The following MREG variants were observed in gnomAD, a reference collection of about 807,000 sequenced individuals.
MREG encodes dilute suppressor protein homolog.
Under a neutral mutation model 28.5 loss-of-function variants are expected in MREG, and 31 were observed. The ratio of observed to expected loss-of-function variants is 1.09; its 90% CI spans 0.82 to 1.47. The LOEUF (loss-of-function observed/expected upper bound fraction) is 1.47, where lower values mean the gene tolerates loss of function less well. MREG is among the 40% of genes most tolerant of loss of function. MREG has a pLI of 0.00. For missense variants in MREG, 256 were observed against 257.4 expected (o/e 0.99, Z 0.04); for synonymous variants, 106 against 95.2 (o/e 1.11, Z -0.66).
At chr2:216,005,444 CTTTTTTTTT>C (rs58288878) in intron 1 of MREG, among the ~76,000 whole-genome samples, 4 of 86,306 alleles carry the variant, frequency 4.6e-5, no homozygotes, top group Non-Finnish European at 9.7e-5. Context: ...TCTAGTTATT[CTTTTTTTTT>C]TTTTTTTTTT....
At chr2:215,973,877 A>C (rs1693172212) in intron 2 of MREG, among the ~76,000 whole-genome samples, 1 of 152,202 alleles carries the variant, frequency 6.6e-6, no homozygotes, top group Admixed American at 6.5e-5. Context: ...ATGCAACTCC[A>C]CAGCCAGGTC....
At chr2:216,010,539 A>G (rs1191486140) in intron 1 of MREG, among the ~76,000 whole-genome samples, 2 of 150,422 alleles carry the variant, frequency 1.3e-5, no homozygotes, top group African/African-American at 2.4e-5. Flanking sequence ...TTGTATTTTT[A>G]GTAGAGACGG....
At chr2:216,012,266 T>G (rs1331430836) in intron 1 of MREG, among the ~76,000 whole-genome samples, 1 of 152,202 alleles carries the variant, frequency 6.6e-6, no homozygotes, top group Non-Finnish European at 1.5e-5. Flanking sequence ...GAGTGTACAC[T>G]GTTTAATGTA....
intron 2 of MREG, among the ~76,000 whole-genome samples, chr2:215,977,986 C>G (rs1693305520): frequency 6.6e-6 from 1 of 151,992 alleles, no homozygotes; most frequent in Non-Finnish European, 1.5e-5. Context: ...GAAACAAGAG[C>G]AAACAAATTC....
chr2:216,012,243 C>T (rs922388059), intron 1 of MREG, among the ~76,000 whole-genome samples: 2 of 152,060 alleles, frequency 1.3e-5, no homozygotes, highest in African/African-American at 4.8e-5. Context: ...TGGATTATTC[C>T]CACGGCCGCA....
intron 2 of MREG, among the ~76,000 whole-genome samples, chr2:215,954,428 G>A (rs1692564820): frequency 8.5e-6 from 1 of 117,908 alleles, no homozygotes; most frequent in African/African-American, 3.2e-5. Flanking sequence ...GATCCTTATT[G>A]TATTTGATCT....
At chr2:215,969,010 T>G (rs1320860197) in intron 2 of MREG, among the ~76,000 whole-genome samples, 1 of 152,148 alleles carries the variant, frequency 6.6e-6, no homozygotes, top group Non-Finnish European at 1.5e-5. Flanking sequence ...CCTCCTGCCT[T>G]AGCCTCCCAA....
chr2:215,962,363 C>T (rs901451877), intron 2 of MREG, among the ~76,000 whole-genome samples: 18 of 152,154 alleles, frequency 1.2e-4, no homozygotes, highest in Non-Finnish European at 2.9e-5. Context: ...GTTAAAAGAG[C>T]AAAACTCAGG....
chr2:215,995,312 T>C (rs911514032), intron 2 of MREG, among the ~76,000 whole-genome samples: 3 of 152,124 alleles, frequency 2.0e-5, no homozygotes, highest in Non-Finnish European at 4.4e-5. Context: ...CCTTCCCCCA[T>C]CCTGTGATCC....
At position 215,994,620 on chromosome 2, in the gene MREG, GA is replaced by G. The variant is rs1405282162; in HGVS notation, c.255+1685del. Reference sequence around the variant, plus strand: ...AGAAGGAGAAGAAGAGGAAGAAGAAGAGAAGAAGGAGGGGGAGGAGGAGGAG... The same window carrying G: ...AGAAGGAGAAGAAGAGGAAGAAGAAGGAAGAAGGAGGGGGAGGAGGAGGAG... On this transcript the variant is annotated intron_variant, in intron 2 of 4. Coordinates refer to ENST00000263268, the MANE Select transcript of MREG (RefSeq NM_018000.3). 3.4e-3 allele frequency among the ~76,000 whole-genome samples: 153 copies of G among 44,764 alleles called. 1 individual carries two copies. Among genetic ancestry groups the G allele is most frequent in the Non-Finnish European group, 8.9e-3 (101 of 11,362 alleles). 29.4% of individuals were successfully genotyped at this position (44,764 alleles called of 152,430 possible).
intron 1 of MREG, among the ~76,000 whole-genome samples, chr2:216,019,666 G>A (rs1053282858): frequency 1.3e-5 from 2 of 151,798 alleles, no homozygotes; most frequent in Non-Finnish European, 2.9e-5. Context: ...CACCATGCCC[G>A]GCTAATTGTT....
At chr2:215,988,601 A>G (rs7580393) in intron 2 of MREG, among the ~76,000 whole-genome samples, 145,807 of 152,294 alleles carry the variant, frequency 0.96, 69,844 homozygotes, top group African/African-American at 0.97. Context: ...CTGGCTCAGC[A>G]GATCCCACTC....
intron 2 of MREG, among the ~76,000 whole-genome samples, chr2:215,961,146 A>T (rs2888384): frequency 6.6e-6 from 1 of 152,180 alleles, no homozygotes; most frequent in Non-Finnish European, 1.5e-5. Flanking sequence ...AGGCCAGGAG[A>T]GGCCTGTGCC....
At chr2:215,985,593 A>G (rs1049656365) in intron 2 of MREG, among the ~76,000 whole-genome samples, 1 of 152,010 alleles carries the variant, frequency 6.6e-6, no homozygotes, top group Non-Finnish European at 1.5e-5. Flanking sequence ...TTGCTCTTCT[A>G]TATATATTTT....
intron 2 of MREG, 113 bp from the exon 3 acceptor site, chr2:215,947,226 A>C: frequency 1.5e-6 from 1 of 649,766 alleles, no homozygotes; most frequent in South Asian, 1.9e-5. Context: ...TTAATCTTCA[A>C]AGCAAGCCTA....
At chr2:215,975,282 A>C (rs1693226233) in intron 2 of MREG, among the ~76,000 whole-genome samples, 1 of 152,140 alleles carries the variant, frequency 6.6e-6, no homozygotes, top group African/African-American at 2.4e-5. Flanking sequence ...TATAGCATTC[A>C]TTAGTGAAGC....
intron 2 of MREG, among the ~76,000 whole-genome samples, chr2:215,963,149 T>C (rs1232056742): frequency 3.3e-5 from 5 of 151,976 alleles, no homozygotes; most frequent in African/African-American, 4.8e-5. Context: ...AAAAAGAATG[T>C]ACAATTTGTC....
At chr2:215,964,095 A>G (rs955265325) in intron 2 of MREG, among the ~76,000 whole-genome samples, 1 of 152,220 alleles carries the variant, frequency 6.6e-6, no homozygotes, top group Admixed American at 6.5e-5. Flanking sequence ...TAAAATTTTG[A>G]AGCCTTTATA....
intron 1 of MREG, among the ~76,000 whole-genome samples, chr2:216,027,830 C>T (rs1694618902): frequency 6.6e-6 from 1 of 151,888 alleles, no homozygotes; most frequent in Admixed American, 6.6e-5. Flanking sequence ...TCCCTTCCCC[C>T]ACCCTCTGTG....
Sources: allele counts gnomAD v4.1 joint callset (sites outside exome capture counted in the v4.1 genomes callset), GRCh38; gene constraint gnomAD v4.1.1; transcripts MANE v1.5; gene names NCBI Gene and HGNC (gene_info 2026-07-23, HGNC 2026-07-21).